Variants in TSPAN18 observed in about 807,000 individuals in gnomAD.
TSPAN18 encodes the protein tetraspanin 18, also known as tetraspanin-18.
In TSPAN18, 14 loss-of-function variants were observed where a neutral mutation model predicts 27.3. That is an observed-to-expected ratio of 0.51 (90% CI 0.34 to 0.80). TSPAN18 has a LOEUF of 0.80. TSPAN18 is among the 30% of genes least tolerant of loss of function. TSPAN18 has a pLI of 0.01. For missense variants in TSPAN18, 268 were observed against 323.9 expected (o/e 0.83, Z 1.32); for synonymous variants, 143 against 136.5 (o/e 1.05, Z -0.33).
At chr11:44,836,717 A>G (rs561964449) in intron 2 of TSPAN18, among the ~76,000 whole-genome samples, 2 of 152,338 alleles carry the variant, frequency 1.3e-5, no homozygotes, top group African/African-American at 4.8e-5. Flanking sequence ...GGCTAATGCA[A>G]TTGGTAACAT....
chr11:44,838,541 C>T (rs1335044018), intron 2 of TSPAN18, among the ~76,000 whole-genome samples: 5 of 152,102 alleles, frequency 3.3e-5, no homozygotes, highest in Non-Finnish European at 7.3e-5. Context: ...GGGAGGTTGT[C>T]CTGGAATGTC....
intron 2 of TSPAN18, among the ~76,000 whole-genome samples, chr11:44,821,709 C>G (rs571716746): frequency 2.0e-4 from 31 of 152,280 alleles, no homozygotes; most frequent in African/African-American, 7.5e-4. Context: ...GTTTCTTCTT[C>G]ACCTCCTCTT....
rs776202086 is a variant in TSPAN18, at chr11:44,919,167, T to C, written c.334-47T>C. On this transcript the variant is annotated intron_variant, in intron 6 of 9. Coordinates refer to ENST00000520358, the MANE Select transcript of TSPAN18 (RefSeq NM_130783.5). ...TGGAGAGACGATGGAGGGTGGGGGC[T>C]GCACCCAACTGCCAGGCCTAAGCCC... The C allele has an allele frequency of 4.7e-6, 7 of 1,482,030 alleles. No homozygotes were observed. The Middle Eastern group carries it at 5.5e-4, about 116-fold the overall frequency. The allele number at this position is 1,482,030 out of a possible 1,614,324, so 91.8% of individuals were successfully genotyped here. A position where few individuals can be genotyped will look rare whatever the true frequency, so the allele number is the denominator to read the frequency against.
At chr11:44,890,989 A>G (rs1455295105) in intron 3 of TSPAN18, among the ~76,000 whole-genome samples, 2 of 152,116 alleles carry the variant, frequency 1.3e-5, no homozygotes, top group Non-Finnish European at 2.9e-5. Context: ...TGGGTGTCAT[A>G]GGGAGACCCT....
At chr11:44,826,412 G>A (rs1321152932) in intron 2 of TSPAN18, among the ~76,000 whole-genome samples, 8 of 152,196 alleles carry the variant, frequency 5.3e-5, no homozygotes, top group South Asian at 2.1e-4. Context: ...CAACAAGAGC[G>A]AGAAACTCTG....
chr11:44,808,993 A>G (rs535481345), intron 2 of TSPAN18, among the ~76,000 whole-genome samples: 3 of 152,306 alleles, frequency 2.0e-5, no homozygotes, highest in East Asian at 3.9e-4. Flanking sequence ...CACTGATTCT[A>G]TAGCAACTAC....
intron 2 of TSPAN18, among the ~76,000 whole-genome samples, chr11:44,845,427 A>G (rs1210461232): frequency 1.3e-5 from 2 of 152,252 alleles, no homozygotes; most frequent in Non-Finnish European, 2.9e-5. Flanking sequence ...CATGGTGTGT[A>G]TATACCAGGC....
At position 44,924,097 on chromosome 11, in the gene TSPAN18, T is replaced by TGTGTGTGTGTGTGTGTG. The variant is rs1554941244; in HGVS notation, c.616-2577_616-2576insGTGTGTGTGTGTGTGTG. Among the ~76,000 whole-genome samples the TGTGTGTGTGTGTGTGTG allele has an allele frequency of 5.8e-4, 84 of 145,874 alleles. 1 individual carries two copies. The highest frequency in any genetic ancestry group is 1.9e-3 in the African/African-American group (74 of 38,970). On this transcript the variant is annotated intron_variant, in intron 8 of 9. Transcript: ENST00000520358. Reference sequence around the variant, plus strand: ...CTGCTTCTCCTGTCCCCTTCTGGGGTTGTGTGTGTGTGTGTGTGTGTGTGT... The same window carrying TGTGTGTGTGTGTGTGTG: ...CTGCTTCTCCTGTCCCCTTCTGGGGTGTGTGTGTGTGTGTGTGTGTGTGTGTGTGTGTGTGTGTGTGT...
chr11:44,815,787 G>A (rs867842544), intron 2 of TSPAN18, among the ~76,000 whole-genome samples: 8 of 152,216 alleles, frequency 5.3e-5, no homozygotes, highest in Middle Eastern at 3.4e-3. Flanking sequence ...TTGGAGGAGC[G>A]GGCAGTTGAG....
chr11:44,921,790 T>C (rs1369853149), intron 8 of TSPAN18, among the ~76,000 whole-genome samples: 1 of 152,206 alleles, frequency 6.6e-6, no homozygotes, highest in East Asian at 1.9e-4. Flanking sequence ...TAATGCTACT[T>C]GTAAGTTTTC....
chr11:44,891,885 G>A (rs1308505264), intron 3 of TSPAN18, among the ~76,000 whole-genome samples: 1 of 152,206 alleles, frequency 6.6e-6, no homozygotes, highest in Non-Finnish European at 1.5e-5. Context: ...ATGAACAAAA[G>A]CACGAACGTA....
chr11:44,924,135 A>G (rs11038217), intron 8 of TSPAN18, among the ~76,000 whole-genome samples: 41,573 of 150,264 alleles, frequency 0.28, 8,363 homozygotes, highest in African/African-American at 0.57. Flanking sequence ...GTGTGTGATT[A>G]TATTGCAGTG....
chr11:44,880,795 T>C (rs940423449), intron 3 of TSPAN18, among the ~76,000 whole-genome samples: 2 of 152,358 alleles, frequency 1.3e-5, no homozygotes, highest in East Asian at 3.9e-4. Context: ...CCTGACATTG[T>C]GTATGATGGG....
intron 1 of TSPAN18, among the ~76,000 whole-genome samples, chr11:44,735,935 T>C (rs996354677): frequency 1.3e-5 from 2 of 152,166 alleles, no homozygotes; most frequent in African/African-American, 4.8e-5. Context: ...CCTCTTAACC[T>C]GATTATATCT....
intron 1 of TSPAN18, among the ~76,000 whole-genome samples, chr11:44,742,127 G>A (rs1324634732): frequency 6.6e-6 from 1 of 152,128 alleles, no homozygotes; most frequent in Non-Finnish European, 1.5e-5. Flanking sequence ...ATGAGAAAGT[G>A]GAAATATTTG....
At position 44,910,313 on chromosome 11, in the gene TSPAN18, C is replaced by T. The variant is rs142688250; in HGVS notation, c.258+414C>T. ...GCTTAACACACACCTAGTCTGTGTCCGCATGCCAGGAAACTCAGAATAAGG... is the reference window on the plus strand; with the variant it reads ...GCTTAACACACACCTAGTCTGTGTCTGCATGCCAGGAAACTCAGAATAAGG... On this transcript the variant is annotated intron_variant, in intron 5 of 9. Coordinates refer to ENST00000520358, the MANE Select transcript of TSPAN18 (RefSeq NM_130783.5). Among the ~76,000 whole-genome samples the T allele has an allele frequency of 3.3e-3, 497 of 152,360 alleles. 7 individuals carry two copies. The highest frequency in any genetic ancestry group is 0.012 in the African/African-American group (487 of 41,582).
intron 3 of TSPAN18, among the ~76,000 whole-genome samples, chr11:44,888,533 A>G (rs1394599231): frequency 1.3e-5 from 2 of 152,136 alleles, no homozygotes; most frequent in African/African-American, 4.8e-5. Context: ...AGGGTTTATA[A>G]TCTGGTAGAG....
chr11:44,893,392 G>A (rs1185773857), intron 3 of TSPAN18, among the ~76,000 whole-genome samples: 3 of 152,284 alleles, frequency 2.0e-5, no homozygotes, highest in East Asian at 1.9e-4. Flanking sequence ...TTTATCCCCC[G>A]CTCAGCTGTG....
chr11:44,742,800 C>T (rs368104452), intron 1 of TSPAN18, among the ~76,000 whole-genome samples: 13 of 152,306 alleles, frequency 8.5e-5, no homozygotes, highest in African/African-American at 2.4e-4. Flanking sequence ...CTCCAGCACC[C>T]GACTCCTCAT....
Sources: gnomAD v4.1 joint callset for allele counts (sites outside exome capture counted in the v4.1 genomes callset) on GRCh38, gnomAD v4.1.1 for gene constraint, MANE v1.5 for transcripts, NCBI Gene and HGNC (gene_info 2026-07-23, HGNC 2026-07-21) for gene names.